The following AK4 variants were observed in gnomAD, a reference collection of about 807,000 sequenced individuals.
The protein encoded by AK4 is adenylate kinase 4.
In AK4, 13 loss-of-function variants were observed where a neutral mutation model predicts 24.6. The observed-to-expected ratio is 0.53, with a 90% CI of 0.34 to 0.84. The LOEUF is 0.84. Ranked by LOEUF, AK4 falls within the 40% of genes least tolerant of loss-of-function variation. The pLI is 0.01. For synonymous variants in AK4, 88 were observed against 107.0 expected (o/e 0.82, Z 1.10); for missense variants, 192 against 288.2 (o/e 0.67, Z 2.42).
intron 1 of AK4, among the ~76,000 whole-genome samples, chr1:65,177,541 A>G (rs763141080): frequency 1.3e-5 from 2 of 152,194 alleles, no homozygotes; most frequent in African/African-American, 2.4e-5. Context: ...GCGTACCTAT[A>G]TGTTAAAAAC....
chr1:65,196,308 G>A (rs1431571266), intron 2 of AK4, among the ~76,000 whole-genome samples: 1 of 152,140 alleles, frequency 6.6e-6, no homozygotes, highest in Non-Finnish European at 1.5e-5. Context: ...GTGGAAATGA[G>A]TAGAGTGGAT....
chr1:65,221,804 GA>G (rs1246916228), intron 3 of AK4, among the ~76,000 whole-genome samples: 1 of 152,190 alleles, frequency 6.6e-6, no homozygotes, highest in Admixed American at 6.5e-5. Flanking sequence ...TTCCCTCAAA[GA>G]ACATCTGCAA....
chr1:65,222,679 C>A (rs1357918645), intron 3 of AK4, among the ~76,000 whole-genome samples: 1 of 152,210 alleles, frequency 6.6e-6, no homozygotes, highest in Non-Finnish European at 1.5e-5. Context: ...GTTGGGTTAA[C>A]AACCATAGAA....
chr1:65,192,049 C>A (rs961055123), intron 2 of AK4, among the ~76,000 whole-genome samples: 2 of 152,212 alleles, frequency 1.3e-5, no homozygotes, highest in South Asian at 2.1e-4. Context: ...ACCCTCTCTG[C>A]CCTTACCTAG....
intron 1 of AK4, among the ~76,000 whole-genome samples, chr1:65,170,384 AC>A (rs201779048): frequency 0.068 from 10,286 of 150,334 alleles, 532 homozygotes; most frequent in Admixed American, 0.21. Context: ...ACACACACAC[AC>A]ACAAAAAAAA....
intron 1 of AK4, among the ~76,000 whole-genome samples, chr1:65,157,827 A>G (rs1438070929): frequency 6.6e-6 from 1 of 152,126 alleles, no homozygotes; most frequent in East Asian, 1.9e-4. Context: ...CAAGATGTGC[A>G]TGCTTACAGA....
chr1:65,227,009 T>C lies in AK4; in HGVS notation c.*832T>C, dbSNP rs1372618306. ...ATGGATTGACACTGTTCCTTTCTTT[T>C]ATTGTGAAAAAAAAAAAAAACCCTG... On this transcript the variant is annotated 3_prime_UTR_variant, in exon 5 of 5. Transcript: ENST00000327299. 2 of 100,762 alleles carry C rather than the reference T, an allele frequency of 2.0e-5. No individual in the cohort carries two copies. The highest frequency in any genetic ancestry group is 3.8e-5 in the Non-Finnish European group (2 of 53,176). The allele number at this position is 100,762 out of a possible 1,614,324, so 6.2% of individuals were successfully genotyped here.
chr1:65,230,971 G>A lies in AK4; in HGVS notation c.*4794G>A, dbSNP rs768209080. 4 of 152,128 alleles carry A rather than the reference G, an allele frequency of 2.6e-5. No individual in the cohort carries two copies. In the South Asian group the frequency reaches 6.2e-4, roughly 24 times the overall value. 9.4% of individuals were successfully genotyped at this position (152,128 alleles called of 1,614,324 possible). On this transcript the variant is annotated 3_prime_UTR_variant, in exon 5 of 5. Coordinates refer to ENST00000327299, the MANE Select transcript of AK4 (RefSeq NM_013410.4). The stretch of plus-strand genomic sequence containing the variant: ...GAGGCAATTCATAAGGTGAGGTCCT[G>A]TTCATAGTATGACTTGCTTTCTCAA...
intron 2 of AK4, among the ~76,000 whole-genome samples, chr1:65,204,117 A>T (rs748669676): frequency 7.2e-5 from 11 of 152,248 alleles, no homozygotes; most frequent in Non-Finnish European, 1.3e-4. Flanking sequence ...ATCATTCTAG[A>T]TACCTCTCTG....
rs1652397954 is a variant in AK4, at chr1:65,224,664, T to C, written c.439-88T>C. ...TTCATCATGTGGTAGGAGTTAAAGA[T>C]GAATACATGGTTTTGCACAGAAAAG... On this transcript the variant is annotated intron_variant, in intron 3 of 4. Transcript: ENST00000327299. 8 of 960,234 alleles carry C rather than the reference T, an allele frequency of 8.3e-6. No homozygotes were observed. In the South Asian group the frequency reaches 8.6e-5, roughly 10 times the overall value. The allele number at this position is 960,234 out of a possible 1,614,324, so 59.5% of individuals were successfully genotyped here.
chr1:65,196,527 A>G (rs911022534), intron 2 of AK4, among the ~76,000 whole-genome samples: 7 of 152,150 alleles, frequency 4.6e-5, no homozygotes, highest in Non-Finnish European at 1.0e-4. Context: ...GTGCAGTGGC[A>G]TATCTTGGTT....
chr1:65,152,311 T>C (rs1649796413), intron 1 of AK4, among the ~76,000 whole-genome samples: 3 of 121,348 alleles, frequency 2.5e-5, no homozygotes, highest in Admixed American at 1.7e-4. Flanking sequence ...GTTTCTGCAC[T>C]TGCTATCTCT....
chr1:65,148,630 G>A (rs1337138396), intron 1 of AK4, 78 bp downstream of exon 1: 4 of 1,436,146 alleles, frequency 2.8e-6, no homozygotes, highest in Non-Finnish European at 3.7e-6. Flanking sequence ...TGGGGCTCCC[G>A]GATCACGGCG....
intron 2 of AK4, among the ~76,000 whole-genome samples, chr1:65,196,031 A>C (rs763339726): frequency 3.3e-5 from 5 of 152,038 alleles, no homozygotes; most frequent in Non-Finnish European, 5.9e-5. Flanking sequence ...TCTCCTTGAA[A>C]ACCCATCTGG....
intron 1 of AK4, among the ~76,000 whole-genome samples, chr1:65,172,080 TATATATATATATATATATATATA>T (rs1557444487): frequency 8.5e-6 from 1 of 117,892 alleles, no homozygotes; most frequent in Non-Finnish European, 1.9e-5. Flanking sequence ...TATATATATA[TATATATATATATATATATATATA>T]TTTAAACTCA....
chr1:65,225,612 T>C (rs982139681), intron 4 of AK4, among the ~76,000 whole-genome samples: 1 of 152,214 alleles, frequency 6.6e-6, no homozygotes, highest in Non-Finnish European at 1.5e-5. Context: ...TTATACTCTG[T>C]TACAATCACT....
intron 3 of AK4, among the ~76,000 whole-genome samples, chr1:65,222,746 C>G (rs1431478525): frequency 6.6e-6 from 1 of 152,192 alleles, no homozygotes; most frequent in East Asian, 1.9e-4. Flanking sequence ...GTCATATACC[C>G]AAGGCCCTGA....
At chr1:65,169,668 T>A (rs977748310) in intron 1 of AK4, among the ~76,000 whole-genome samples, 3 of 152,016 alleles carry the variant, frequency 2.0e-5, no homozygotes, top group Non-Finnish European at 4.4e-5. Flanking sequence ...TAAATAATAG[T>A]TTAATGTGAT....
chr1:65,172,105 T>TATATATATATATA (rs1650555801), intron 1 of AK4, among the ~76,000 whole-genome samples: 10 of 69,104 alleles, frequency 1.4e-4, no homozygotes, highest in Middle Eastern at 7.7e-3. Context: ...ATATATATAT[T>TATATATATATATA]TAAACTCATT....
Sources: allele counts gnomAD v4.1 joint callset (sites outside exome capture counted in the v4.1 genomes callset), GRCh38; gene constraint gnomAD v4.1.1; transcripts MANE v1.5; gene names NCBI Gene and HGNC (gene_info 2026-07-23, HGNC 2026-07-21).